Variants in RBMS3 observed in about 807,000 individuals in gnomAD.
RBMS3 encodes RNA-binding motif, single-stranded-interacting protein 3.
RBMS3 carries 27 observed loss-of-function variants against 66.8 expected under a neutral mutation model. The observed-to-expected ratio is 0.40, with a 90% confidence interval of 0.30 to 0.56. RBMS3 has a LOEUF of 0.56. Ranked by LOEUF, RBMS3 falls within the 20% of genes least tolerant of loss-of-function variation. The pLI, the probability that RBMS3 is intolerant of heterozygous loss-of-function variation, is 0.40. For missense variants in RBMS3, 513 were observed against 549.5 expected, an observed-to-expected ratio of 0.93 and a Z score of 0.66; for synonymous variants, 188 against 183.0, an observed-to-expected ratio of 1.03 and a Z score of -0.22.
chr3:29,663,244 A>C (rs2050625005), intron 4 of RBMS3, among the ~76,000 whole-genome samples: 2 of 140,120 alleles, frequency 1.4e-5, no homozygotes, highest in East Asian at 4.4e-4. Flanking sequence ...CCTGAAAGAG[A>C]GAGAGAGACA....
intron 3 of RBMS3, among the ~76,000 whole-genome samples, chr3:29,497,127 A>G (rs2043782331): frequency 6.6e-6 from 1 of 151,714 alleles, no homozygotes; most frequent in Non-Finnish European, 1.5e-5. Flanking sequence ...CTCCTGCCTT[A>G]GCCTCTCAGG....
intron 4 of RBMS3, among the ~76,000 whole-genome samples, chr3:29,657,618 A>G (rs2050371656): frequency 6.6e-6 from 1 of 152,122 alleles, no homozygotes; most frequent in African/African-American, 2.4e-5. Flanking sequence ...TTATTCTGAG[A>G]CTCTCAAGGG....
At position 29,517,327 on chromosome 3, in the gene RBMS3, T is replaced by TTTG. The variant is rs1553614668; in HGVS notation, c.307+28831_307+28833dup. 4.6e-3 allele frequency among the ~76,000 whole-genome samples: 544 copies of TTTG among 118,952 alleles called. 6 individuals carry two copies. Among genetic ancestry groups the TTTG allele is most frequent in the African/African-American group, 0.021 (530 of 25,024 alleles). 78.0% of individuals were successfully genotyped at this position (118,952 alleles called of 152,430 possible). ...TGTGTGTATATATATATATTTTTTT[T>TTTG]TTGTTTTTTTTTTGAAACAGAGTCT... On this transcript the variant is annotated intron_variant, in intron 3 of 14. Coordinates refer to ENST00000383767, the MANE Select transcript of RBMS3 (RefSeq NM_001003793.3).
intron 2 of RBMS3, among the ~76,000 whole-genome samples, chr3:29,436,851 C>A (rs1236651795): frequency 6.6e-6 from 1 of 152,166 alleles, no homozygotes; most frequent in Non-Finnish European, 1.5e-5. Flanking sequence ...TGTTGTTGAT[C>A]TTTTGTGAAG....
intron 3 of RBMS3, among the ~76,000 whole-genome samples, chr3:29,523,887 A>T (rs1464193677): frequency 1.3e-5 from 2 of 152,054 alleles, no homozygotes; most frequent in African/African-American, 4.8e-5. Flanking sequence ...GAAATTTGCC[A>T]CAAATCCAGG....
chr3:29,751,560 A>G (rs1411487773), intron 5 of RBMS3, among the ~76,000 whole-genome samples: 1 of 152,190 alleles, frequency 6.6e-6, no homozygotes, highest in Non-Finnish European at 1.5e-5. Context: ...CAAACCCTCT[A>G]CAACGTGCTT....
intron 2 of RBMS3, among the ~76,000 whole-genome samples, chr3:29,468,749 G>A (rs2042623973): frequency 6.6e-6 from 1 of 151,334 alleles, no homozygotes; most frequent in African/African-American, 2.4e-5. Context: ...ATGTTTGCTT[G>A]ACAGTCTCAT....
intron 1 of RBMS3, among the ~76,000 whole-genome samples, chr3:29,368,380 T>C (rs2038018835): frequency 6.6e-6 from 1 of 152,096 alleles, no homozygotes; most frequent in African/African-American, 2.4e-5. Context: ...TCTATATTTA[T>C]TGGAGTATTG....
intron 3 of RBMS3, among the ~76,000 whole-genome samples, chr3:29,569,765 G>A (rs1188105355): frequency 6.6e-6 from 1 of 152,038 alleles, no homozygotes; most frequent in Non-Finnish European, 1.5e-5. Flanking sequence ...CTAAAGTCTA[G>A]GAGGCTTTGA....
intron 4 of RBMS3, among the ~76,000 whole-genome samples, chr3:29,661,418 T>A (rs2050542401): frequency 6.6e-6 from 1 of 152,172 alleles, no homozygotes; most frequent in Non-Finnish European, 1.5e-5. Context: ...CGGTAGACAA[T>A]AACTAGCCTT....
At chr3:29,408,374 A>G (rs1264483760) in intron 1 of RBMS3, among the ~76,000 whole-genome samples, 1 of 151,004 alleles carries the variant, frequency 6.6e-6, no homozygotes, top group Non-Finnish European at 1.5e-5. Flanking sequence ...TAAGTTTTTG[A>G]TTAAGCACTT....
chr3:29,349,825 T>G (rs1293559228), intron 1 of RBMS3, among the ~76,000 whole-genome samples: 1 of 152,180 alleles, frequency 6.6e-6, no homozygotes, highest in Non-Finnish European at 1.5e-5. Context: ...TTTGTTTCTC[T>G]TTGTGAATCC....
chr3:29,906,898 ATCAG>A (rs1157918594), intron 10 of RBMS3, among the ~76,000 whole-genome samples: 1 of 152,148 alleles, frequency 6.6e-6, no homozygotes, highest in African/African-American at 2.4e-5. Flanking sequence ...CCAAAATGAT[ATCAG>A]TCAAATGACA....
intron 3 of RBMS3, among the ~76,000 whole-genome samples, chr3:29,582,351 A>G (rs937161271): frequency 6.6e-6 from 1 of 152,202 alleles, no homozygotes; most frequent in African/African-American, 2.4e-5. Context: ...CAAATGACCT[A>G]ATTATCACAG....
At chr3:29,629,875 T>A (rs1489149252) in intron 4 of RBMS3, among the ~76,000 whole-genome samples, 1 of 152,118 alleles carries the variant, frequency 6.6e-6, no homozygotes, top group Non-Finnish European at 1.5e-5. Flanking sequence ...TATCTTCCAG[T>A]ACAAATCTTG....
chr3:29,595,397 TAAAAAAAAAAA>T (rs551487113), intron 4 of RBMS3, among the ~76,000 whole-genome samples: 24 of 99,920 alleles, frequency 2.4e-4, no homozygotes, highest in Middle Eastern at 5.7e-3. Context: ...AGAGTCAGTC[TAAAAAAAAAAA>T]AAAAAAAGAA....
chr3:30,001,140 T>A (rs1043765468), intron 14 of RBMS3, among the ~76,000 whole-genome samples: 5 of 152,120 alleles, frequency 3.3e-5, no homozygotes, highest in South Asian at 2.1e-4. Context: ...ACAATTTTTT[T>A]AAATATTCAT....
chr3:29,455,432 C>T (rs899676018), intron 2 of RBMS3, among the ~76,000 whole-genome samples: 11 of 151,964 alleles, frequency 7.2e-5, no homozygotes, highest in African/African-American at 1.5e-4. Context: ...ATGAAGTCAC[C>T]GCAAACACTG....
At chr3:29,911,660 C>G (rs1020894232) in intron 10 of RBMS3, among the ~76,000 whole-genome samples, 4 of 151,988 alleles carry the variant, frequency 2.6e-5, no homozygotes, top group African/African-American at 4.8e-5. Context: ...TTTCTACTCC[C>G]CTCAGAACCC....
Sources: allele counts gnomAD v4.1 joint callset (sites outside exome capture counted in the v4.1 genomes callset), GRCh38; gene constraint gnomAD v4.1.1; transcripts MANE v1.5; gene names NCBI Gene and HGNC (gene_info 2026-07-23, HGNC 2026-07-21).